Variants in EBAG9 observed in about 807,000 individuals in gnomAD.
The protein encoded by EBAG9 is receptor-binding cancer antigen expressed on SiSo cells.
In EBAG9, 16 loss-of-function variants were observed where a neutral mutation model predicts 30.9. That is an observed-to-expected ratio of 0.52 (90% CI 0.35 to 0.79). EBAG9 has a LOEUF of 0.79. Among genes scored for constraint, EBAG9 ranks in the 30% least tolerant of loss-of-function variants. The pLI, the probability that EBAG9 is intolerant of heterozygous loss-of-function variation, is 0.01. For synonymous variants in EBAG9, 93 were observed against 82.8 expected, an observed-to-expected ratio of 1.12 and a Z score of -0.67; for missense variants, 197 against 242.1, an observed-to-expected ratio of 0.81 and a Z score of 1.24.
At chr8:109,561,278 A>G (rs1009527873) in intron 6 of EBAG9, among the ~76,000 whole-genome samples, 1 of 151,618 alleles carries the variant, frequency 6.6e-6, no homozygotes, top group African/African-American at 2.4e-5. Context: ...ATATTCCTCT[A>G]GGTCAGAAGT....
In EBAG9 at chr8:109,554,898, A is replaced by G. The variant is rs771506976; in HGVS notation, c.321+11A>G. On this transcript the variant is annotated intron_variant, in intron 4 of 6. Transcript: ENST00000337573. ...AGGAAAACTCAGAAAGTATGTTAAG[A>G]TTTATGCTTTTGGAGATTAAACTAC... The G allele has an allele frequency of 6.2e-7, 1 of 1,609,310 alleles. No homozygotes were observed. The highest frequency in any genetic ancestry group is 8.5e-7 in the Non-Finnish European group (1 of 1,177,116).
intron 1 of EBAG9, among the ~76,000 whole-genome samples, chr8:109,544,035 A>T (rs1222613791): frequency 7.8e-5 from 4 of 51,112 alleles, no homozygotes; most frequent in East Asian, 4.8e-4. Flanking sequence ...ATCTCAATTA[A>T]AAAAAAAAAA....
rs1042517515 is a variant in EBAG9 at position 109,564,999 on chromosome 8, T to A, written c.*440T>A. On this transcript the variant is annotated 3_prime_UTR_variant, in exon 7 of 7. Transcript: ENST00000337573. ...CCATGGTTACCTGACCTAAATTAGA[T>A]AAATTGTAGGGCTTTAGCTTTCTTA... 1 of 152,650 alleles carries A rather than the reference T, an allele frequency of 6.6e-6. No homozygotes were observed. Among genetic ancestry groups the A allele is most frequent in the Non-Finnish European group, 1.5e-5 (1 of 68,030 alleles). 9.5% of individuals were successfully genotyped at this position (152,650 alleles called of 1,614,324 possible). A position where few individuals can be genotyped will look rare whatever the true frequency, so the allele number is the denominator to read the frequency against.
chr8:109,546,047 A>G (rs1046912695), intron 1 of EBAG9, among the ~76,000 whole-genome samples: 2 of 152,232 alleles, frequency 1.3e-5, no homozygotes, highest in African/African-American at 2.4e-5. Flanking sequence ...TTGAAATGCT[A>G]TTGTGAAATC....
intron 1 of EBAG9, among the ~76,000 whole-genome samples, chr8:109,548,193 G>C (rs1821423606): frequency 3.3e-5 from 5 of 151,168 alleles, no homozygotes; most frequent in South Asian, 2.1e-4. Flanking sequence ...TTTTTGTTTT[G>C]ATTTTTTCCA....
chr8:109,545,813 A>G (rs1563652902), intron 1 of EBAG9, among the ~76,000 whole-genome samples: 5 of 152,200 alleles, frequency 3.3e-5, no homozygotes, highest in Admixed American at 2.6e-4. Context: ...AGACACTACA[A>G]CCAGACTCTT....
intron 6 of EBAG9, 122 bp downstream of exon 6, chr8:109,561,051 T>A (rs1821700908): frequency 1.3e-6 from 1 of 743,426 alleles, no homozygotes; most frequent in Non-Finnish European, 2.1e-6. Context: ...GATCCTTAGA[T>A]AATAAGGACT....
intron 1 of EBAG9, among the ~76,000 whole-genome samples, chr8:109,547,582 G>A (rs570829673): frequency 3.3e-5 from 5 of 151,600 alleles, no homozygotes; most frequent in East Asian, 3.9e-4. Flanking sequence ...TCAGGTTCAC[G>A]CCATTCTCCT....
intron 1 of EBAG9, among the ~76,000 whole-genome samples, chr8:109,542,779 A>G (rs1323255703): frequency 6.6e-6 from 1 of 152,186 alleles, no homozygotes; most frequent in African/African-American, 2.4e-5. Context: ...GAAGGTACCA[A>G]ATGAATAAAA....
intron 6 of EBAG9, among the ~76,000 whole-genome samples, chr8:109,561,189 T>C: frequency 6.6e-6 from 1 of 150,910 alleles, no homozygotes; most frequent in East Asian, 1.9e-4. Flanking sequence ...TATATACATG[T>C]ATATAAAAGG....
chr8:109,550,452 A>G (rs1821470152), intron 1 of EBAG9: 2 of 157,102 alleles, frequency 1.3e-5, no homozygotes, highest in Admixed American at 1.3e-4. Flanking sequence ...AGTATTTTAA[A>G]TAGTATTATG....
intron 6 of EBAG9, 104 bp downstream of exon 6, chr8:109,561,033 C>A: frequency 1.1e-6 from 1 of 879,980 alleles, no homozygotes; most frequent in South Asian, 1.9e-5. Flanking sequence ...TTATATTTTT[C>A]TTCATTTGAT....
intron 1 of EBAG9, among the ~76,000 whole-genome samples, chr8:109,549,429 T>G (rs536384955): frequency 6.6e-6 from 1 of 152,142 alleles, no homozygotes. Context: ...TATTCCTTCT[T>G]CAGTTTTTTG....
At position 109,550,878 on chromosome 8, in the gene EBAG9, A is replaced by T; in HGVS notation, c.54A>T (p.Val18=). The change falls in exon 2 of 7, where the codon GTA becomes GTT. Residue 18 remains valine (V), a synonymous_variant. Coordinates refer to ENST00000337573, the MANE Select transcript of EBAG9 (RefSeq NM_004215.5). ...LFKFCTCLAT[V]FSFLKRLICR... is the part of the protein sequence containing the mutation. ...AATTTTGTACCTGCCTAGCAACAGT[A>T]TTCTCATTCCTAAAGAGATTAATAT... is the stretch of plus-strand genomic sequence containing the variant. 6.3e-7 allele frequency: 1 copy of T among 1,597,078 alleles called. No homozygotes were observed. Among genetic ancestry groups the T allele is most frequent in the African/African-American group, 1.3e-5 (1 of 74,540 alleles).
At chr8:109,557,708 CAG>C (rs781256092) in intron 5 of EBAG9, 4 of 455,740 alleles carry the variant, frequency 8.8e-6, no homozygotes, top group South Asian at 4.6e-5. Flanking sequence ...GGTTCTAACT[CAG>C]AATTTCTCAT....
intron 2 of EBAG9, among the ~76,000 whole-genome samples, chr8:109,551,599 A>G (rs139799232): frequency 5.9e-5 from 9 of 152,320 alleles, no homozygotes; most frequent in African/African-American, 2.2e-4. Flanking sequence ...AAAGTAGTTC[A>G]CATTTGCAAC....
intron 5 of EBAG9, among the ~76,000 whole-genome samples, chr8:109,558,220 C>T (rs1821639879): frequency 6.6e-6 from 1 of 152,106 alleles, no homozygotes; most frequent in Non-Finnish European, 1.5e-5. Flanking sequence ...GTTTTTAATT[C>T]ATTGAGTAAA....
In EBAG9 at chr8:109,554,785, C is replaced by T. The variant is rs759484343; in HGVS notation, c.219C>T (p.Ile73=). The change falls in exon 4 of 7, where the codon ATC becomes ATT. Residue 73 remains isoleucine (I), a synonymous_variant. Coordinates refer to ENST00000337573, the MANE Select transcript of EBAG9 (RefSeq NM_004215.5). The stretch of plus-strand genomic sequence containing the variant: ...AAGATGCACCCACCAGTGTAAAGAT[C>T]GAAGGAGGGAATGGGAATGTGGCAA... The part of the protein sequence containing the change: ...WDEDAPTSVK[I]EGGNGNVATQ... 23 of 1,613,476 alleles carry T rather than the reference C, an allele frequency of 1.4e-5. No homozygotes were observed. Among genetic ancestry groups the T allele is most frequent in the South Asian group, 6.6e-5 (6 of 91,042 alleles).
intron 1 of EBAG9, 133 bp from the exon 2 acceptor site, chr8:109,550,677 A>C: frequency 1.7e-6 from 1 of 578,126 alleles, no homozygotes; most frequent in South Asian, 2.3e-5. Context: ...TTTAAAATTT[A>C]CTGTGTTATA....
Sources: gnomAD v4.1 joint callset for allele counts (sites outside exome capture counted in the v4.1 genomes callset) on GRCh38, gnomAD v4.1.1 for gene constraint, MANE v1.5 for transcripts, NCBI Gene and HGNC (gene_info 2026-07-23, HGNC 2026-07-21) for gene names.